The following MYRFL variants were observed in gnomAD, a reference collection of about 807,000 sequenced individuals.
MYRFL encodes the protein myelin regulatory factor like, also known as myelin regulatory factor-like protein.
In MYRFL, 88 loss-of-function variants were observed where a neutral mutation model predicts 109.4. The ratio of observed to expected loss-of-function variants is 0.80; its 90% CI spans 0.68 to 0.96. MYRFL has a LOEUF of 0.96. MYRFL is among the 40% of genes least tolerant of loss of function. The pLI is 0.00. For missense variants in MYRFL, 957 were observed against 954.9 expected (o/e 1.00, Z -0.03); for synonymous variants, 324 against 320.9 (o/e 1.01, Z -0.10).
chr12:69,891,866 G>A (rs1216052636), intron 7 of MYRFL, among the ~76,000 whole-genome samples: 2 of 151,492 alleles, frequency 1.3e-5, no homozygotes, highest in Non-Finnish European at 2.9e-5. Context: ...TTGTAGAGAT[G>A]GGGTCTCACT....
At chr12:69,871,018 T>C (rs1308725067) in intron 2 of MYRFL, among the ~76,000 whole-genome samples, 1 of 152,176 alleles carries the variant, frequency 6.6e-6, no homozygotes, top group Non-Finnish European at 1.5e-5. Flanking sequence ...ACTAAACAAC[T>C]GCCTAGAGCC....
Position 69,846,636 on chromosome 12 carries a change from C to T in MYRFL, c.47-8644C>T, listed in dbSNP as rs867690407. Among the ~76,000 whole-genome samples the T allele has an allele frequency of 2.4e-3, 372 of 152,062 alleles. 4 individuals are homozygous for T. The highest frequency in any genetic ancestry group is 8.6e-3 in the African/African-American group (357 of 41,430). On this transcript the variant is annotated intron_variant, in intron 1 of 24. Coordinates refer to ENST00000552032, the MANE Select transcript of MYRFL (RefSeq NM_182530.3). ...GGTTGGTTCCAAGTCTTTGCTATTG[C>T]GAATAGTGCCGCAATAAACATACGT... is the stretch of plus-strand genomic sequence containing the variant.
intron 1 of MYRFL, among the ~76,000 whole-genome samples, chr12:69,842,985 A>G (rs1883332834): frequency 6.6e-6 from 1 of 152,236 alleles, no homozygotes; most frequent in Non-Finnish European, 1.5e-5. Flanking sequence ...AAGTAAATGA[A>G]TAAAGCAATT....
At chr12:69,883,719 A>AG (rs1251097538) in intron 5 of MYRFL, among the ~76,000 whole-genome samples, 3 of 151,398 alleles carry the variant, frequency 2.0e-5, no homozygotes, top group African/African-American at 7.3e-5. Context: ...AAAAAAAAAA[A>AG]AAAAAAAATT....
intron 1 of MYRFL, among the ~76,000 whole-genome samples, chr12:69,845,719 A>G (rs968596172): frequency 2.0e-5 from 3 of 150,834 alleles, no homozygotes; most frequent in African/African-American, 7.3e-5. Flanking sequence ...AACTCATTCA[A>G]TTATCTGTCA....
chr12:69,869,186 G>T (rs1885197552), intron 2 of MYRFL, among the ~76,000 whole-genome samples: 2 of 152,250 alleles, frequency 1.3e-5, no homozygotes, highest in African/African-American at 4.8e-5. Context: ...AGCTCCCCAA[G>T]GGCAGTGTGG....
Position 69,870,700 on chromosome 12 carries a change from A to C in MYRFL, c.138-8328A>C, listed in dbSNP as rs190682722. ...GTGCAAAATTTCTCTAACTGTATTT[A>C]AATGCATTGAGCATGGAAGCATATA... On this transcript the variant is annotated intron_variant, in intron 2 of 24. Coordinates refer to ENST00000552032, the MANE Select transcript of MYRFL (RefSeq NM_182530.3). Among the ~76,000 whole-genome samples the C allele has an allele frequency of 3.9e-5, 6 of 152,342 alleles. No individual in the cohort carries two copies. The East Asian group carries it at 1.2e-3, about 29-fold the overall frequency.
intron 1 of MYRFL, among the ~76,000 whole-genome samples, chr12:69,834,819 G>A (rs1441657460): frequency 6.6e-6 from 1 of 152,132 alleles, no homozygotes; most frequent in Non-Finnish European, 1.5e-5. Flanking sequence ...AAAGGACAAA[G>A]TACTGAGTAT....
At chr12:69,892,974 C>G (rs1401784195) in intron 7 of MYRFL, among the ~76,000 whole-genome samples, 1 of 152,092 alleles carries the variant, frequency 6.6e-6, no homozygotes, top group African/African-American at 2.4e-5. Context: ...ATATAGTTTT[C>G]CATTGTATGG....
At chr12:69,946,487 A>G (rs1955843400) in intron 19 of MYRFL, 1 of 152,220 alleles carries the variant, frequency 6.6e-6, no homozygotes, top group South Asian at 2.1e-4. Context: ...CCGAGAATCC[A>G]CTATAAGCCT....
At chr12:69,932,861 T>TTGTGTGTGTGTG (rs1400290777) in intron 16 of MYRFL, among the ~76,000 whole-genome samples, 6 of 69,206 alleles carry the variant, frequency 8.7e-5, no homozygotes, top group Non-Finnish European at 1.6e-4. Context: ...ACTGTGCCTT[T>TTGTGTGTGTGTG]CGTGTGTGTG....
At chr12:69,851,872 G>T (rs1029858604) in intron 1 of MYRFL, among the ~76,000 whole-genome samples, 14 of 152,152 alleles carry the variant, frequency 9.2e-5, no homozygotes, top group Admixed American at 6.5e-4. Context: ...ACGTTGCCCA[G>T]GCTGGTCTCC....
chr12:69,854,677 T>C (rs1884161580), intron 1 of MYRFL, among the ~76,000 whole-genome samples: 1 of 152,192 alleles, frequency 6.6e-6, no homozygotes, highest in African/African-American at 2.4e-5. Flanking sequence ...TGAGCCACTA[T>C]GCCAGGCCAG....
In MYRFL at chr12:69,877,023, C is replaced by CT. The variant is rs113649427; in HGVS notation, c.138-1987dup. ...CAGGTCTTTCTTTCTTTCTTTCTTT[C>CT]TTTTTTTTTTTTTTTTTTGAGACGG... On this transcript the variant is annotated intron_variant, in intron 2 of 24. Coordinates refer to ENST00000552032, the MANE Select transcript of MYRFL (RefSeq NM_182530.3). 2.7e-3 allele frequency among the ~76,000 whole-genome samples: 344 copies of CT among 128,924 alleles called. 8 individuals are homozygous for CT. The highest frequency in any genetic ancestry group is 0.026 in the Middle Eastern group (7 of 274). 84.6% of individuals were successfully genotyped at this position (128,924 alleles called of 152,430 possible). A position where few individuals can be genotyped will look rare whatever the true frequency, so the allele number is the denominator to read the frequency against.
chr12:69,862,356 C>T (rs1443037040), intron 2 of MYRFL, among the ~76,000 whole-genome samples: 2 of 152,106 alleles, frequency 1.3e-5, no homozygotes, highest in African/African-American at 2.4e-5. Context: ...GCCATTTTCA[C>T]AATATTGATT....
intron 16 of MYRFL, among the ~76,000 whole-genome samples, chr12:69,932,883 T>TGTGTG (rs1555257501): frequency 5.7e-5 from 3 of 52,604 alleles, no homozygotes; most frequent in Admixed American, 2.1e-4. Context: ...GTGTGTGTGT[T>TGTGTG]TGTGTGTGTG....
rs532483731 is a variant in MYRFL, at chr12:69,859,506, A to G, written c.137+4136A>G. Among the ~76,000 whole-genome samples, 5 of 152,318 alleles carry G rather than the reference A, an allele frequency of 3.3e-5. No homozygotes were observed. In the East Asian group the frequency reaches 9.6e-4, roughly 29 times the overall value. ...CAGTTCTATTGGATTTTGTGAAAAC[A>G]TAATTGTATTGAATTGAAAAGTTAT... On this transcript the variant is annotated intron_variant, in intron 2 of 24. Transcript: ENST00000552032.
chr12:69,863,145 G>A (rs535525485), intron 2 of MYRFL, among the ~76,000 whole-genome samples: 36 of 151,976 alleles, frequency 2.4e-4, no homozygotes, highest in Admixed American at 2.1e-3. Context: ...TGCTGGATTC[G>A]GTTTGCCAGT....
At chr12:69,843,857 G>T (rs766191122) in intron 1 of MYRFL, among the ~76,000 whole-genome samples, 16 of 152,196 alleles carry the variant, frequency 1.1e-4, no homozygotes, top group Admixed American at 2.0e-4. Flanking sequence ...GGCCTACGCA[G>T]CTTCTCCCTT....
Sources: gnomAD v4.1 joint callset for allele counts (sites outside exome capture counted in the v4.1 genomes callset) on GRCh38, gnomAD v4.1.1 for gene constraint, MANE v1.5 for transcripts, NCBI Gene and HGNC (gene_info 2026-07-23, HGNC 2026-07-21) for gene names.